CEP57L1: variants seen among roughly 807,000 people sequenced by gnomAD.
The protein encoded by CEP57L1 is centrosomal protein CEP57L1.
In CEP57L1, 37 loss-of-function variants were observed where a neutral mutation model predicts 61.0. The observed-to-expected ratio is 0.61, with a 90% CI of 0.47 to 0.80. CEP57L1 has a LOEUF of 0.80. Among genes scored for constraint, CEP57L1 ranks in the 30% least tolerant of loss-of-function variants. The pLI is 0.00. For synonymous variants in CEP57L1, 137 were observed against 162.3 expected (o/e 0.84, Z 1.19); for missense variants, 422 against 524.7 (o/e 0.80, Z 1.91).
chr6:109,100,672 CAAAAAAAA>C (rs539993641), intron 1 of CEP57L1, among the ~76,000 whole-genome samples: 5 of 74,052 alleles, frequency 6.8e-5, no homozygotes, highest in African/African-American at 2.5e-4. Flanking sequence ...GAGATTGTCT[CAAAAAAAA>C]AAAAAAAAAA....
intron 1 of CEP57L1, among the ~76,000 whole-genome samples, chr6:109,138,120 C>CA (rs1294027848): frequency 6.6e-6 from 1 of 152,174 alleles, no homozygotes; most frequent in Admixed American, 6.5e-5. Flanking sequence ...GAAGGAGAGT[C>CA]AGAGTTGGGG....
chr6:109,107,681 C>T (rs1049997098), intron 1 of CEP57L1, among the ~76,000 whole-genome samples: 1 of 151,988 alleles, frequency 6.6e-6, no homozygotes, highest in African/African-American at 2.4e-5. Context: ...TGGCTCACAC[C>T]TGTAATCCCA....
In CEP57L1 at chr6:109,098,616, C is replaced by CT. The variant is rs879546760; in HGVS notation, c.-4+3052dup. ...AGCCCAGCTAATTTTGTATTTTTTC[C>CT]TTTTTTTTTTTAACTGAAATTACAT... On this transcript the variant is annotated intron_variant, in intron 1 of 10. Transcript: ENST00000517392. Among the ~76,000 whole-genome samples, 1,423 of 145,412 alleles carry CT rather than the reference C, an allele frequency of 9.8e-3. 18 individuals are homozygous for CT. Among genetic ancestry groups the CT allele is most frequent in the African/African-American group, 0.031 (1,225 of 39,818 alleles).
intron 2 of CEP57L1, among the ~76,000 whole-genome samples, chr6:109,145,700 T>C (rs1771889287): frequency 6.6e-6 from 1 of 151,940 alleles, no homozygotes; most frequent in Admixed American, 6.6e-5. Context: ...ATTAGAATGT[T>C]AGTGAATTAA....
intron 1 of CEP57L1, among the ~76,000 whole-genome samples, chr6:109,141,440 C>T (rs928033818): frequency 1.3e-5 from 2 of 152,044 alleles, no homozygotes; most frequent in Non-Finnish European, 2.9e-5. Context: ...GTCTCGAACT[C>T]CTGACCTCAT....
chr6:109,116,925 T>C (rs1333826343), intron 1 of CEP57L1, among the ~76,000 whole-genome samples: 4 of 152,132 alleles, frequency 2.6e-5, no homozygotes, highest in African/African-American at 9.7e-5. Flanking sequence ...CAAGAAAACA[T>C]TTATCACATA....
At chr6:109,129,326 C>T in intron 1 of CEP57L1, 1 of 1,104,106 alleles carries the variant, frequency 9.1e-7, no homozygotes, top group Non-Finnish European at 1.1e-6. Flanking sequence ...CACTTCTTCA[C>T]TTGGATATAA....
intron 1 of CEP57L1, among the ~76,000 whole-genome samples, chr6:109,119,415 T>C (rs1772688488): frequency 6.6e-6 from 1 of 152,150 alleles, no homozygotes; most frequent in South Asian, 2.1e-4. Context: ...TGGGAGAGGA[T>C]AGGTGAGTCA....
At chr6:109,140,967 A>T (rs569556272) in intron 1 of CEP57L1, among the ~76,000 whole-genome samples, 47 of 151,510 alleles carry the variant, frequency 3.1e-4, no homozygotes, top group African/African-American at 1.1e-3. Flanking sequence ...AGTAGCTGGG[A>T]CTACGGGCGC....
At chr6:109,120,427 A>G (rs1436714865) in intron 1 of CEP57L1, among the ~76,000 whole-genome samples, 1 of 152,178 alleles carries the variant, frequency 6.6e-6, no homozygotes, top group Non-Finnish European at 1.5e-5. Context: ...GCTTAGGTCT[A>G]TAAATAATTG....
chr6:109,173,376 AGAAAG>A lies in CEP57L1; in HGVS notation c.*10410_*10414del, dbSNP rs1248428598. ...GCCTATTGAGAGTTTGAGATAAAGA[AGAAAG>A]GAATCTTTCCTTTCCTTCCCCCTCA... On this transcript the variant is annotated 3_prime_UTR_variant, in exon 11 of 11. Coordinates refer to ENST00000517392, the MANE Select transcript of CEP57L1 (RefSeq NM_001271852.3). Among the ~76,000 whole-genome samples, 1 of 151,262 alleles carries A rather than the reference AGAAAG, an allele frequency of 6.6e-6. No individual in the cohort carries two copies. The highest frequency in any genetic ancestry group is 2.4e-5 in the African/African-American group (1 of 41,280).
In CEP57L1 at chr6:109,171,242, A is replaced by ATTT. The variant is rs751539209; in HGVS notation, c.*8283_*8285dup. ...AAATAATGCCACAAAGTAGAGTTTG[A>ATTT]TTTTTTTTTTTTTGAGACGGAGTTT... On this transcript the variant is annotated 3_prime_UTR_variant, in exon 11 of 11. Transcript: ENST00000517392. Among the ~76,000 whole-genome samples the ATTT allele has an allele frequency of 7.0e-6, 1 of 143,464 alleles. No homozygotes were observed. The highest frequency in any genetic ancestry group is 2.6e-5 in the African/African-American group (1 of 38,956). The allele number at this position is 143,464 out of a possible 152,430, so 94.1% of individuals were successfully genotyped here. A position where few individuals can be genotyped will look rare whatever the true frequency, so the allele number is the denominator to read the frequency against.
At position 109,166,454 on chromosome 6, in the gene CEP57L1, G is replaced by C. The variant is rs1774110160; in HGVS notation, c.*3484G>C. On this transcript the variant is annotated 3_prime_UTR_variant, in exon 11 of 11. Coordinates refer to ENST00000517392, the MANE Select transcript of CEP57L1 (RefSeq NM_001271852.3). The stretch of plus-strand genomic sequence containing the variant: ...GCTAGAGTGCAGTGGCACGATCTCA[G>C]CTCACTGCAACCTCCACCTCTCAGG... Among the ~76,000 whole-genome samples the C allele has an allele frequency of 6.7e-6, 1 of 149,934 alleles. No homozygotes were observed. The highest frequency in any genetic ancestry group is 1.5e-5 in the Non-Finnish European group (1 of 67,796).
At chr6:109,109,238 A>G (rs906858635) in intron 1 of CEP57L1, among the ~76,000 whole-genome samples, 2 of 152,214 alleles carry the variant, frequency 1.3e-5, no homozygotes, top group African/African-American at 2.4e-5. Context: ...AAGAGTATTC[A>G]CCAAAAAGGT....
At chr6:109,099,382 GA>G (rs1276959594) in intron 1 of CEP57L1, among the ~76,000 whole-genome samples, 2 of 151,928 alleles carry the variant, frequency 1.3e-5, no homozygotes, top group African/African-American at 4.8e-5. Context: ...AAGGAGGAAG[GA>G]AAAATAAGTT....
intron 1 of CEP57L1, among the ~76,000 whole-genome samples, chr6:109,103,670 G>A (rs1025913117): frequency 1.3e-5 from 2 of 152,018 alleles, no homozygotes; most frequent in African/African-American, 4.8e-5. Flanking sequence ...TGCTTTGAAT[G>A]ACTAAATCTC....
intron 7 of CEP57L1, chr6:109,156,922 T>A (rs1773275487): frequency 6.6e-6 from 1 of 152,166 alleles, no homozygotes; most frequent in Non-Finnish European, 1.5e-5. Flanking sequence ...TTGTGTCTTA[T>A]TTGTGCAATG....
At chr6:109,139,289 A>C (rs1562105426) in intron 1 of CEP57L1, among the ~76,000 whole-genome samples, 1 of 151,984 alleles carries the variant, frequency 6.6e-6, no homozygotes, top group African/African-American at 2.4e-5. Flanking sequence ...AAACTTATGA[A>C]TGGTTTCTGG....
At chr6:109,160,848 G>A (rs892306777) in intron 10 of CEP57L1, 132 bp downstream of exon 10, 6 of 781,346 alleles carry the variant, frequency 7.7e-6, no homozygotes, top group Middle Eastern at 3.9e-4. Flanking sequence ...TAATCCCTTA[G>A]GCCTATGACA....
Sources: gnomAD v4.1 joint callset for allele counts (sites outside exome capture counted in the v4.1 genomes callset) on GRCh38, gnomAD v4.1.1 for gene constraint, MANE v1.5 for transcripts, NCBI Gene and HGNC (gene_info 2026-07-23, HGNC 2026-07-21) for gene names.